ZDHHC11: variants seen among roughly 807,000 people sequenced by gnomAD.
ZDHHC11 encodes the protein zDHHC palmitoyltransferase 11.
ZDHHC11 carries 44 observed loss-of-function variants against 51.3 expected under a neutral mutation model. The observed-to-expected ratio is 0.86, with a 90% CI of 0.67 to 1.10. The LOEUF (loss-of-function observed/expected upper bound fraction) is 1.10, where lower values mean the gene tolerates loss of function less well. Ranked by LOEUF, ZDHHC11 falls within the 50% of genes least tolerant of loss-of-function variation. ZDHHC11 has a pLI of 0.00. For missense variants in ZDHHC11, 400 were observed against 537.7 expected, an observed-to-expected ratio of 0.74 and a Z score of 2.53; for synonymous variants, 163 against 222.0, an observed-to-expected ratio of 0.73 and a Z score of 2.36.
upstream of ZDHHC11, among the ~76,000 whole-genome samples, chr5:855,943 CCA>C: frequency 6.6e-6 from 1 of 151,290 alleles, no homozygotes; most frequent in Non-Finnish European, 1.5e-5. Flanking sequence ...GGGACAGACC[CCA>C]CAGAGGACAG....
Position 837,505 on chromosome 5 carries a change from G to T in ZDHHC11, c.785-25C>A. 3 of 1,604,762 alleles carry T rather than the reference G, an allele frequency of 1.9e-6. No individual in the cohort carries two copies. In the South Asian group the frequency reaches 3.3e-5, roughly 18 times the overall value. ...TCTGGAAAGGGAAAAGGAGGAACAG[G>T]ACAAGATACCAGCCCTGCGGCTTTG... On this transcript the variant is annotated intron_variant, in intron 5 of 12. Transcript: ENST00000283441.
chr5:804,091 G>C (rs187625894), intron 11 of ZDHHC11, among the ~76,000 whole-genome samples: 32 of 151,272 alleles, frequency 2.1e-4, no homozygotes, highest in Admixed American at 1.3e-3. Flanking sequence ...TACAGTGTTC[G>C]CCCATTATCA....
intron 7 of ZDHHC11, among the ~76,000 whole-genome samples, chr5:825,650 C>G (rs1742257457): frequency 6.6e-6 from 1 of 151,854 alleles, no homozygotes; most frequent in East Asian, 1.9e-4. Context: ...ACTCCAGGAA[C>G]CACCACAGCA....
intron 11 of ZDHHC11, among the ~76,000 whole-genome samples, chr5:807,721 G>T (rs1434679978): frequency 2.6e-5 from 4 of 152,160 alleles, no homozygotes; most frequent in African/African-American, 7.2e-5. Context: ...TCCTTGTGAG[G>T]AATAGCGGCT....
chr5:859,280 G>A (rs1475289930), upstream of ZDHHC11, among the ~76,000 whole-genome samples: 1 of 152,068 alleles, frequency 6.6e-6, no homozygotes, highest in East Asian at 1.9e-4. Context: ...GCCCTCACCT[G>A]AACCAAAGTA....
intron 6 of ZDHHC11, among the ~76,000 whole-genome samples, chr5:834,023 G>A (rs1743422489): frequency 1.3e-5 from 2 of 152,290 alleles, no homozygotes; most frequent in African/African-American, 4.8e-5. Flanking sequence ...TCATGTATTA[G>A]ACATTTATCT....
intron 11 of ZDHHC11, among the ~76,000 whole-genome samples, chr5:814,558 T>C (rs1414243496): frequency 2.0e-5 from 3 of 151,580 alleles, no homozygotes; most frequent in Non-Finnish European, 3.0e-5. Context: ...ATGTTAGTTA[T>C]AAAGAATTCT....
chr5:841,889 C>T, intron 4 of ZDHHC11: 1 of 989,704 alleles, frequency 1.0e-6, no homozygotes, highest in Non-Finnish European at 1.2e-6. Flanking sequence ...GGTGACAGAC[C>T]CTCTCTGGAA....
chr5:845,483 C>T (rs1222195886), intron 3 of ZDHHC11, among the ~76,000 whole-genome samples: 2 of 152,254 alleles, frequency 1.3e-5, no homozygotes, highest in African/African-American at 2.4e-5. Context: ...CAGCCTCCTG[C>T]CCCTGCTGCC....
rs1276982063 is a variant in ZDHHC11, at chr5:816,333, CAG to C, written c.1147-1540_1147-1539del. On this transcript the variant is annotated intron_variant, in intron 10 of 12. Coordinates refer to ENST00000283441, the MANE Select transcript of ZDHHC11 (RefSeq NM_024786.3). The stretch of plus-strand genomic sequence containing the variant: ...CAAAGATATTCTCTGGAGGGAGACT[CAG>C]AGGCGGACAGATGGCGGCAGCAGCT... 3 of 342,760 alleles carry C rather than the reference CAG, an allele frequency of 8.8e-6. No individual in the cohort carries two copies. In the East Asian group the frequency reaches 2.1e-4, roughly 24 times the overall value. The allele number at this position is 342,760 out of a possible 1,614,324, so 21.2% of individuals were successfully genotyped here.
rs558554215 is a variant in ZDHHC11 at position 816,539 on chromosome 5, A to G, written c.1147-1744T>C. ...AACTCTGGATGATTCTGCCAAAAAG[A>G]TACTTCTGGAAAAATACAAATACGT... On this transcript the variant is annotated intron_variant, in intron 10 of 12. Transcript: ENST00000283441. The G allele has an allele frequency of 1.2e-4, 67 of 562,636 alleles. 1 individual carries two copies. The East Asian group carries it at 2.6e-3, about 22-fold the overall frequency. 34.9% of individuals were successfully genotyped at this position (562,636 alleles called of 1,614,324 possible).
intron 11 of ZDHHC11, among the ~76,000 whole-genome samples, chr5:813,688 G>C (rs1343857797): frequency 6.7e-6 from 1 of 150,148 alleles, no homozygotes; most frequent in African/African-American, 2.5e-5. Context: ...GGCCAGGACG[G>C]CTGCAGCTGC....
chr5:823,991 G>C (rs1316474090), intron 8 of ZDHHC11: 3 of 449,786 alleles, frequency 6.7e-6, no homozygotes, highest in South Asian at 4.7e-5. Context: ...GGCAAGGCTT[G>C]GACACCAGCG....
intron 7 of ZDHHC11, among the ~76,000 whole-genome samples, chr5:831,032 A>G (rs1187683627): frequency 2.0e-5 from 3 of 150,320 alleles, no homozygotes; most frequent in Non-Finnish European, 3.0e-5. Context: ...TATCATCAGA[A>G]AAACTTTTGT....
intron 6 of ZDHHC11, among the ~76,000 whole-genome samples, chr5:834,362 A>G (rs1161435688): frequency 1.3e-5 from 2 of 152,252 alleles, no homozygotes; most frequent in Admixed American, 1.3e-4. Flanking sequence ...ATGTATTTTT[A>G]TTTATTTTTG....
At chr5:841,939 C>G in intron 4 of ZDHHC11, 4 of 989,782 alleles carry the variant, frequency 4.0e-6, no homozygotes, top group Non-Finnish European at 4.8e-6. Context: ...AAACACCACA[C>G]TCAGCCTGAC....
upstream of ZDHHC11, among the ~76,000 whole-genome samples, chr5:853,127 C>T (rs772172927): frequency 2.9e-4 from 38 of 132,594 alleles, no homozygotes; most frequent in Non-Finnish European, 3.7e-4. Flanking sequence ...CAATTAGCAG[C>T]GGGGACAGAC....
At chr5:852,581 A>C (rs193037331), upstream of ZDHHC11, among the ~76,000 whole-genome samples, 6 of 148,750 alleles carry the variant, frequency 4.0e-5, no homozygotes, top group East Asian at 1.0e-3. Context: ...GACAATGAGC[A>C]GCGGGGACAG....
intron 5 of ZDHHC11, chr5:840,272 T>G (rs1184030136): frequency 1.3e-6 from 1 of 786,838 alleles, no homozygotes; most frequent in Non-Finnish European, 2.2e-6. Flanking sequence ...CTGGGCCTGC[T>G]GGGTCCTCAT....
Sources: allele counts gnomAD v4.1 joint callset (sites outside exome capture counted in the v4.1 genomes callset), GRCh38; gene constraint gnomAD v4.1.1; transcripts MANE v1.5; gene names NCBI Gene and HGNC (gene_info 2026-07-23, HGNC 2026-07-21).